Variants in REDIC1 observed in about 807,000 individuals in gnomAD.
REDIC1 encodes regulator of DNA class I crossover intermediates 1, also known as HEI10 Interacting Protein 1.
At chr12:39,684,234 A>ATTC in the REDIC1 span, 22 of 996,300 alleles carry the variant, frequency 2.2e-5, no homozygotes, top group East Asian at 2.1e-3. Flanking sequence ...TTTCTGAATA[A>ATTC]TGACCTGCAA....
chr12:39,896,237 T>C, the REDIC1 span, among the ~76,000 whole-genome samples: 3 of 101,162 alleles, frequency 3.0e-5, no homozygotes, highest in African/African-American at 1.1e-4. Context: ...TGCATATGTG[T>C]ATATATGTAT....
the REDIC1 span, among the ~76,000 whole-genome samples, chr12:39,822,450 C>G: frequency 6.6e-6 from 1 of 152,186 alleles, no homozygotes; most frequent in African/African-American, 2.4e-5. Flanking sequence ...GATCTAAACT[C>G]ATATTTACTG....
chr12:39,649,266 G>A, the REDIC1 span, among the ~76,000 whole-genome samples: 10 of 151,756 alleles, frequency 6.6e-5, no homozygotes, highest in Non-Finnish European at 1.0e-4. Context: ...ATTTAATAGC[G>A]TACTTGGAGG....
At chr12:39,845,676 T>C in the REDIC1 span, among the ~76,000 whole-genome samples, 1 of 152,104 alleles carries the variant, frequency 6.6e-6, no homozygotes, top group Non-Finnish European at 1.5e-5. Context: ...CTTGAAGGCA[T>C]CCCCCTAGAT....
At chr12:39,764,374 G>A in the REDIC1 span, 2 of 1,208,968 alleles carry the variant, frequency 1.7e-6, no homozygotes, top group East Asian at 5.3e-5. Flanking sequence ...TAACCACATA[G>A]TCTCAATCAC....
At chr12:39,707,932 A>T in the REDIC1 span, among the ~76,000 whole-genome samples, 1 of 151,796 alleles carries the variant, frequency 6.6e-6, no homozygotes, top group Non-Finnish European at 1.5e-5. Context: ...ACATGTTCTC[A>T]CTTATTTATG....
the REDIC1 span, chr12:39,759,765 TA>T: frequency 2.5e-6 from 1 of 400,464 alleles, no homozygotes; most frequent in South Asian, 3.4e-5. Context: ...CATTTTAGAC[TA>T]TTTCAGGAAG....
At chr12:39,819,132 T>C in the REDIC1 span, among the ~76,000 whole-genome samples, 1 of 152,182 alleles carries the variant, frequency 6.6e-6, no homozygotes. Flanking sequence ...GTTGAAATTG[T>C]TTAGTAAATG....
the REDIC1 span, among the ~76,000 whole-genome samples, chr12:39,809,021 T>C: frequency 6.6e-6 from 1 of 152,176 alleles, no homozygotes; most frequent in Non-Finnish European, 1.5e-5. Context: ...TGTTTCCTTA[T>C]AAATGTTTTA....
the REDIC1 span, among the ~76,000 whole-genome samples, chr12:39,654,845 A>G: frequency 2.0e-5 from 3 of 152,124 alleles, no homozygotes; most frequent in African/African-American, 7.2e-5. Context: ...CTTAGAATTC[A>G]CCAGTGAAGG....
the REDIC1 span, among the ~76,000 whole-genome samples, chr12:39,713,655 A>G: frequency 6.7e-6 from 1 of 148,934 alleles, no homozygotes; most frequent in African/African-American, 2.5e-5. Context: ...ATACCTGTAT[A>G]CATGCGTATA....
chr12:39,739,143 C>T, the REDIC1 span, among the ~76,000 whole-genome samples: 2 of 152,096 alleles, frequency 1.3e-5, no homozygotes, highest in South Asian at 4.1e-4. Context: ...TTTCATCTGA[C>T]TTTATAGATA....
chr12:39,673,452 C>T, the REDIC1 span, among the ~76,000 whole-genome samples: 7 of 152,124 alleles, frequency 4.6e-5, no homozygotes, highest in African/African-American at 4.8e-5. Flanking sequence ...CTTTTGTGCT[C>T]GGAACATTTA....
the REDIC1 span, among the ~76,000 whole-genome samples, chr12:39,668,424 G>T: frequency 6.6e-6 from 1 of 152,192 alleles, no homozygotes; most frequent in Non-Finnish European, 1.5e-5. Flanking sequence ...TAGAGTTTCT[G>T]CCGAGAGATC....
At chr12:39,669,016 G>T in the REDIC1 span, among the ~76,000 whole-genome samples, 4 of 151,994 alleles carry the variant, frequency 2.6e-5, no homozygotes, top group Admixed American at 6.6e-5. Flanking sequence ...CTTTAGCTTG[G>T]AGTAGTTTGA....
the REDIC1 span, among the ~76,000 whole-genome samples, chr12:39,707,988 A>G: frequency 6.6e-6 from 1 of 151,846 alleles, no homozygotes; most frequent in Non-Finnish European, 1.5e-5. Flanking sequence ...AAGAGGGTAG[A>G]AGAATGGTTA....
chr12:39,672,384 G>A, the REDIC1 span, among the ~76,000 whole-genome samples: 1 of 152,096 alleles, frequency 6.6e-6, no homozygotes, highest in Non-Finnish European at 1.5e-5. Context: ...TGTCCTCAGG[G>A]GCATGCAAGT....
At chr12:39,693,159 A>G in the REDIC1 span, among the ~76,000 whole-genome samples, 3 of 152,212 alleles carry the variant, frequency 2.0e-5, no homozygotes, top group East Asian at 3.9e-4. Context: ...TGTCCTGGAT[A>G]CTGACTGCTT....
chr12:39,895,308 G>T, the REDIC1 span, among the ~76,000 whole-genome samples: 5 of 151,452 alleles, frequency 3.3e-5, no homozygotes, highest in African/African-American at 1.2e-4. Flanking sequence ...GGCTAATACG[G>T]GGAAATCCCG....
Sources: allele counts gnomAD v4.1 joint callset (sites outside exome capture counted in the v4.1 genomes callset), GRCh38; gene constraint gnomAD v4.1.1; transcripts MANE v1.5; gene names NCBI Gene and HGNC (gene_info 2026-07-23, HGNC 2026-07-21).